Variants in CATSPERG observed in about 807,000 individuals in gnomAD.
CATSPERG encodes cation channel sperm-associated auxiliary subunit gamma.
In CATSPERG, 115 loss-of-function variants were observed where a neutral mutation model predicts 145.0. The ratio of observed to expected loss-of-function variants is 0.79; its 90% CI spans 0.68 to 0.93. The LOEUF (loss-of-function observed/expected upper bound fraction) is 0.93, where lower values mean the gene tolerates loss of function less well. Among genes scored for constraint, CATSPERG ranks in the 40% least tolerant of loss-of-function variants. CATSPERG has a pLI of 0.00. For missense variants in CATSPERG, 1,296 were observed against 1,490.1 expected, an observed-to-expected ratio of 0.87 and a Z score of 2.14; for synonymous variants, 588 against 589.0, an observed-to-expected ratio of 1.00 and a Z score of 0.02.
intron 22 of CATSPERG, chr19:38,365,927 T>A (rs1331416581): frequency 6.6e-6 from 1 of 151,550 alleles, no homozygotes; most frequent in Non-Finnish European, 1.5e-5. Flanking sequence ...CAGGCTGGTC[T>A]TGAACTCCTA....
intron 24 of CATSPERG, 21 bp downstream of exon 24, chr19:38,367,593 C>T (rs891062633): frequency 1.2e-6 from 2 of 1,613,456 alleles, no homozygotes; most frequent in African/African-American, 2.7e-5. Flanking sequence ...GGCCAGCTTG[C>T]AGCTAGGGCA....
chr19:38,353,354 G>A (rs185983375), intron 8 of CATSPERG, among the ~76,000 whole-genome samples: 2 of 150,824 alleles, frequency 1.3e-5, no homozygotes, highest in African/African-American at 2.4e-5. Context: ...AGAGGAAAAA[G>A]CGAGAGAGAT....
At chr19:38,360,996 A>G (rs2145099826) in intron 16 of CATSPERG, among the ~76,000 whole-genome samples, 153 bp downstream of exon 16, 1 of 152,270 alleles carries the variant, frequency 6.6e-6, no homozygotes, top group Non-Finnish European at 1.5e-5. Flanking sequence ...AGCTCAGAGG[A>G]GGAGCCCAAC....
chr19:38,358,548 T>C lies in CATSPERG; in HGVS notation c.1483T>C (p.Phe495Leu), dbSNP rs1317122868. The C allele has an allele frequency of 6.2e-7, 1 of 1,614,192 alleles. No homozygotes were observed. The highest frequency in any genetic ancestry group is 1.1e-5 in the South Asian group (1 of 91,088). ...CAATCTGATCTTCATCTGGGGCAACTTCCTCCTGCAGAGGTGGGCCTCTAC... is the reference window on the plus strand; with the variant it reads ...CAATCTGATCTTCATCTGGGGCAACCTCCTCCTGCAGAGGTGGGCCTCTAC... The part of the protein sequence containing the change: ...YNNLIFIWGN[F>L]LLQSSNKENF... The change falls in exon 13 of 29, where the codon TTC becomes CTC. Residue 495 changes from phenylalanine to leucine, a missense_variant. Coordinates refer to ENST00000409235, the MANE Select transcript of CATSPERG (RefSeq NM_021185.5).
intron 28 of CATSPERG, 69 bp from the exon 29 acceptor site, chr19:38,370,457 G>C: frequency 6.3e-7 from 1 of 1,588,906 alleles, no homozygotes; most frequent in African/African-American, 1.3e-5. Flanking sequence ...CCCTGTCACT[G>C]TGGATGCAGA....
intron 5 of CATSPERG, 55 bp from the exon 6 acceptor site, chr19:38,344,241 T>C: frequency 1.9e-6 from 3 of 1,540,384 alleles, no homozygotes; most frequent in Non-Finnish European, 1.8e-6. Context: ...AGCTACGAGC[T>C]GTGGAACCCC....
chr19:38,347,516 T>C (rs1205381041), intron 7 of CATSPERG, among the ~76,000 whole-genome samples: 1 of 152,184 alleles, frequency 6.6e-6, no homozygotes, highest in Non-Finnish European at 1.5e-5. Context: ...TGAGAGCCTA[T>C]ATTATCCCAG....
At chr19:38,369,833 G>A in intron 26 of CATSPERG, 139 bp from the exon 27 acceptor site, 1 of 785,170 alleles carries the variant, frequency 1.3e-6, no homozygotes, top group South Asian at 1.5e-5. Flanking sequence ...ATGAATGAGT[G>A]AATGAAGGAA....
In CATSPERG at chr19:38,347,393, A is replaced by G. The variant is rs1970058613; in HGVS notation, c.825+788A>G. Reference sequence around the variant, plus strand: ...ACTCCGTCTCAAAGAAAAACAAAAAAAAAAAGTTAATAGCTTCCATAACCA... The same window carrying G: ...ACTCCGTCTCAAAGAAAAACAAAAAGAAAAAGTTAATAGCTTCCATAACCA... On this transcript the variant is annotated intron_variant, in intron 7 of 28. Coordinates refer to ENST00000409235, the MANE Select transcript of CATSPERG (RefSeq NM_021185.5). 1.3e-5 allele frequency among the ~76,000 whole-genome samples: 2 copies of G among 152,102 alleles called. 1 individual carries two copies. The highest frequency in any genetic ancestry group is 1.3e-4 in the Admixed American group (2 of 15,268).
At position 38,337,633 on chromosome 19, in the gene CATSPERG, C is replaced by A. The variant is rs763670233; in HGVS notation, c.311C>A (p.Ser104Tyr). Reference sequence around the variant, plus strand: ...CCTTACTACCTGAAGATCAACTACTCCTGCGAGGAAAAGGTGAGTGGGTGC... The same window carrying A: ...CCTTACTACCTGAAGATCAACTACTACTGCGAGGAAAAGGTGAGTGGGTGC... ...GFPYYLKINY[S>Y]CEEKPSEDLV... Residue 104 changes from serine (S) to tyrosine (Y), a missense_variant, in exon 3 of 29, where the codon TCC becomes TAC. Coordinates refer to ENST00000409235, the MANE Select transcript of CATSPERG (RefSeq NM_021185.5). The A allele has an allele frequency of 3.2e-5, 50 of 1,551,608 alleles. No individual in the cohort carries two copies. Among genetic ancestry groups the A allele is most frequent in the Non-Finnish European group, 4.0e-5 (46 of 1,147,008 alleles).
At chr19:38,363,664 CTCTT>C (rs1471054516) in intron 20 of CATSPERG, among the ~76,000 whole-genome samples, 1 of 151,752 alleles carries the variant, frequency 6.6e-6, no homozygotes, top group African/African-American at 2.4e-5. Context: ...GTGGTGATGA[CTCTT>C]AACGAGCATG....
intron 6 of CATSPERG, among the ~76,000 whole-genome samples, chr19:38,345,325 C>T (rs60577771): frequency 0.041 from 6,270 of 151,960 alleles, 228 homozygotes; most frequent in East Asian, 0.13. Context: ...TGCAGGGGAA[C>T]GACCTCGTCA....
At position 38,367,697 on chromosome 19, in the gene CATSPERG, GT is replaced by G. The variant is rs1970477662; in HGVS notation, c.2852del (p.Val951GlyfsTer85). 1 of 1,614,126 alleles carries G rather than the reference GT, an allele frequency of 6.2e-7. No individual in the cohort carries two copies. The highest frequency in any genetic ancestry group is 8.5e-7 in the Non-Finnish European group (1 of 1,180,012). ...CCCTGGTAGCTATGTTCTGCTGGTG[GT>G]GGGTGGCGGGCCCACACTGGACAGC... ...SFQGSYVLLV[V>X]GGGPTLDSLK... On this transcript the variant is annotated frameshift_variant, in exon 25 of 29. Coordinates refer to ENST00000409235, the MANE Select transcript of CATSPERG (RefSeq NM_021185.5). LOFTEE classifies it high-confidence loss of function.
rs925823490 is a variant in CATSPERG at position 38,353,059 on chromosome 19, C to T, written c.997+627C>T. 1.1e-4 allele frequency among the ~76,000 whole-genome samples: 15 copies of T among 135,292 alleles called. No individual in the cohort carries two copies. In the Middle Eastern group the frequency reaches 0.029, roughly 260 times the overall value. 88.8% of individuals were successfully genotyped at this position (135,292 alleles called of 152,430 possible). A position where few individuals can be genotyped will look rare whatever the true frequency, so the allele number is the denominator to read the frequency against. ...AAAAAAAAAAAAAAAAAAAGCTGGGCATGGTGGCTCATGCCTGTAATCCTA... is the reference window on the plus strand; with the variant it reads ...AAAAAAAAAAAAAAAAAAAGCTGGGTATGGTGGCTCATGCCTGTAATCCTA... On this transcript the variant is annotated intron_variant, in intron 8 of 28. Transcript: ENST00000409235.
rs754527191 is a variant in CATSPERG at position 38,359,461 on chromosome 19, TC to T, written c.1497-6del. 1.2e-5 allele frequency: 19 copies of T among 1,594,520 alleles called. No individual in the cohort carries two copies. Among genetic ancestry groups the T allele is most frequent in the Non-Finnish European group, 1.6e-5 (19 of 1,162,524 alleles). ...GCATGCGCCTAGCTCTCCATCTCTGTCCCTGCAGCTCTAACAAGGAAAACTT... is the reference window on the plus strand; with the variant it reads ...GCATGCGCCTAGCTCTCCATCTCTGTCCTGCAGCTCTAACAAGGAAAACTT... On this transcript the variant is annotated splice_polypyrimidine_tract_variant and splice_region_variant and intron_variant, in intron 13 of 28. Transcript: ENST00000409235.
At chr19:38,364,561 C>T (rs1970414474) in intron 20 of CATSPERG, among the ~76,000 whole-genome samples, 1 of 152,248 alleles carries the variant, frequency 6.6e-6, no homozygotes, top group South Asian at 2.1e-4. Context: ...TTTGGGAGGC[C>T]AAGGCAGGCG....
intron 26 of CATSPERG, among the ~76,000 whole-genome samples, 162 bp downstream of exon 26, chr19:38,368,299 T>C (rs764682250): frequency 7.2e-5 from 11 of 152,250 alleles, no homozygotes; most frequent in Non-Finnish European, 1.5e-4. Flanking sequence ...AGTCTCTGCC[T>C]GGAATGCTGC....
At chr19:38,344,897 A>ATTT (rs1338386699) in intron 6 of CATSPERG, among the ~76,000 whole-genome samples, 13 of 104,620 alleles carry the variant, frequency 1.2e-4, no homozygotes, top group Admixed American at 2.3e-4. Context: ...ATATATATAT[A>ATTT]TATATTTTTT....
chr19:38,341,356 G>C (rs1019443374), intron 3 of CATSPERG, among the ~76,000 whole-genome samples: 2 of 152,142 alleles, frequency 1.3e-5, no homozygotes, highest in Non-Finnish European at 2.9e-5. Flanking sequence ...ACAGGACCAG[G>C]GTGTTAGTGG....
Sources: allele counts gnomAD v4.1 joint callset (sites outside exome capture counted in the v4.1 genomes callset), GRCh38; gene constraint gnomAD v4.1.1; transcripts MANE v1.5; gene names NCBI Gene and HGNC (gene_info 2026-07-23, HGNC 2026-07-21).